Variants in SYTL2 observed in about 807,000 individuals in gnomAD.
The protein encoded by SYTL2 is synaptotagmin-like protein 2.
Under a neutral mutation model 198.7 loss-of-function variants are expected in SYTL2, and 165 were observed. The ratio of observed to expected loss-of-function variants is 0.83; its 90% CI spans 0.73 to 0.94. SYTL2 has a LOEUF of 0.94. Among genes scored for constraint, SYTL2 ranks in the 40% least tolerant of loss-of-function variants. The pLI, the probability that SYTL2 is intolerant of heterozygous loss-of-function variation, is 0.00. For synonymous variants in SYTL2, 966 were observed against 917.7 expected (o/e 1.05, Z -0.95); for missense variants, 2,835 against 2,582.8 (o/e 1.10, Z -2.12).
chr11:85,778,114 C>G (rs191612907), intron 1 of SYTL2, among the ~76,000 whole-genome samples: 3 of 152,126 alleles, frequency 2.0e-5, no homozygotes, highest in Admixed American at 1.3e-4. Flanking sequence ...CCATCATGCC[C>G]GGCCGGTCTT....
rs1196063975 is a variant in SYTL2, at chr11:85,725,834, G to A, written c.3524C>T (p.Thr1175Ile). ...VSENRTWPQKTDFADTEEEVK... is the reference protein window; with the variant it reads ...VSENRTWPQKIDFADTEEEVK... ...TTCTTCCTCAGTATCAGCAAAATCT[G>A]TTTTTTGAGGCCATGTCCTATTTTC... is the stretch of plus-strand genomic sequence containing the variant. The change falls in exon 8 of 20, where the codon ACA (threonine) becomes ATA (isoleucine). Residue 1175 changes from threonine to isoleucine, a missense_variant. Around this residue, in one of 3 missense-constraint regions of SYTL2, gnomAD observed 2,645 missense variants for 2,381.7 expected, o/e 1.11. Coordinates refer to ENST00000359152, the MANE Select transcript of SYTL2 (RefSeq NM_206927.4). 6.2e-7 allele frequency: 1 copy of A among 1,613,798 alleles called. No homozygotes were observed. Among genetic ancestry groups the A allele is most frequent in the African/African-American group, 1.3e-5 (1 of 74,916 alleles).
intron 4 of SYTL2, among the ~76,000 whole-genome samples, chr11:85,744,008 T>C (rs1486156690): frequency 6.6e-6 from 1 of 152,158 alleles, no homozygotes; most frequent in Non-Finnish European, 1.5e-5. Flanking sequence ...TCTCTCTTTG[T>C]GTTTCTTTAA....
At chr11:85,770,813 G>A (rs117277825) in intron 1 of SYTL2, among the ~76,000 whole-genome samples, 1 of 152,156 alleles carries the variant, frequency 6.6e-6, no homozygotes, top group East Asian at 1.9e-4. Flanking sequence ...CCACAAGCAG[G>A]CAACATTTTC....
Position 85,704,963 on chromosome 11 carries a change from T to G in SYTL2, c.6084A>C (p.Thr2028=). The G allele has an allele frequency of 6.2e-7, 1 of 1,613,768 alleles. No homozygotes were observed. Among genetic ancestry groups the G allele is most frequent in the Non-Finnish European group, 8.5e-7 (1 of 1,179,730 alleles). Residue 2028 remains threonine, a synonymous_variant, in exon 16 of 20, where the codon ACA becomes ACC. Coordinates refer to ENST00000359152, the MANE Select transcript of SYTL2 (RefSeq NM_206927.4). ...KLNLSIWHRD[T]FKRNSFLGEV... is the part of the protein sequence containing the mutation. ...CCCCTAGGAAACTATTGCGCTTAAA[T>G]GTATCCCGATGCCAAATGGACAGGT...
At chr11:85,779,191 G>A (rs967536387) in intron 1 of SYTL2, among the ~76,000 whole-genome samples, 1 of 152,032 alleles carries the variant, frequency 6.6e-6, no homozygotes, top group African/African-American at 2.4e-5. Flanking sequence ...GCTAAGTGAT[G>A]ATAAAACCAG....
intron 1 of SYTL2, among the ~76,000 whole-genome samples, chr11:85,787,951 C>A (rs2092664637): frequency 6.6e-6 from 1 of 152,126 alleles, no homozygotes; most frequent in African/African-American, 2.4e-5. Context: ...AGGGTGGTAA[C>A]TTTTCCTCCA....
In SYTL2 at chr11:85,718,832, C is replaced by T; in HGVS notation, c.5440G>A (p.Val1814Ile). The T allele has an allele frequency of 3.1e-6, 5 of 1,613,704 alleles. No homozygotes were observed. The highest frequency in any genetic ancestry group is 4.2e-6 in the Non-Finnish European group (5 of 1,179,740). The change falls in exon 10 of 20, where the codon GTA becomes ATA. Residue 1814 changes from valine (V) to isoleucine (I), a missense_variant. Coordinates refer to ENST00000359152, the MANE Select transcript of SYTL2 (RefSeq NM_206927.4). Reference protein sequence around the residue: ...ISSDSSNQAKVDNQPEELVRS... With the variant: ...ISSDSSNQAKIDNQPEELVRS... ...ACTAATTCTTCTGGCTGATTATCTA[C>T]TTTTGCTTGATCTGTTCAGAAGAAA... is the stretch of plus-strand genomic sequence containing the variant.
chr11:85,783,074 T>C (rs2153605008), intron 1 of SYTL2, among the ~76,000 whole-genome samples: 1 of 152,318 alleles, frequency 6.6e-6, no homozygotes, highest in Middle Eastern at 3.4e-3. Flanking sequence ...ACCAAATCAC[T>C]GTATTAGTCC....
chr11:85,768,853 G>A (rs990672827), intron 1 of SYTL2, among the ~76,000 whole-genome samples: 3 of 152,012 alleles, frequency 2.0e-5, no homozygotes, highest in African/African-American at 7.3e-5. Flanking sequence ...TCCATCTTAG[G>A]CCTGGACCCC....
At chr11:85,813,577 A>G (rs1355662171), upstream of SYTL2, among the ~76,000 whole-genome samples, 1 of 152,212 alleles carries the variant, frequency 6.6e-6, no homozygotes, top group African/African-American at 2.4e-5. Context: ...AGCATGGTGT[A>G]AGGTTAAATG....
upstream of SYTL2, among the ~76,000 whole-genome samples, chr11:85,815,447 T>C (rs749429308): frequency 2.0e-5 from 3 of 152,238 alleles, no homozygotes; most frequent in Non-Finnish European, 4.4e-5. Context: ...TTGTAAATAC[T>C]GAATATTCTT....
intron 7 of SYTL2, among the ~76,000 whole-genome samples, chr11:85,728,666 C>T (rs993845899): frequency 6.6e-6 from 1 of 152,074 alleles, no homozygotes; most frequent in South Asian, 2.1e-4. Flanking sequence ...TATGCCATGC[C>T]GATTTTATGA....
At chr11:85,696,485 G>C (rs2083429069) in intron 18 of SYTL2, 97 bp from the exon 19 acceptor site, 1 of 1,031,450 alleles carries the variant, frequency 9.7e-7, no homozygotes, top group Non-Finnish European at 1.5e-6. Context: ...ATTGACAATG[G>C]AGGAAAAGAT....
intron 1 of SYTL2, among the ~76,000 whole-genome samples, chr11:85,810,593 C>T (rs2093019277): frequency 6.6e-6 from 1 of 152,084 alleles, no homozygotes; most frequent in Non-Finnish European, 1.5e-5. Context: ...TGCACCTGAG[C>T]AATCTGGGGG....
At chr11:85,804,828 T>C (rs935244523) in intron 1 of SYTL2, among the ~76,000 whole-genome samples, 3 of 152,238 alleles carry the variant, frequency 2.0e-5, no homozygotes, top group Non-Finnish European at 4.4e-5. Context: ...AGATCTATCA[T>C]ATTTGCATTT....
At chr11:85,813,955 G>A (rs578100537), upstream of SYTL2, among the ~76,000 whole-genome samples, 5 of 152,218 alleles carry the variant, frequency 3.3e-5, no homozygotes, top group South Asian at 2.1e-4. Flanking sequence ...CGATCTGCCC[G>A]CCTCAGCATC....
chr11:85,734,243 A>G lies in SYTL2; in HGVS notation c.1086T>C (p.Ser362=). 6.2e-7 allele frequency: 1 copy of G among 1,614,204 alleles called. No homozygotes were observed. The highest frequency in any genetic ancestry group is 8.5e-7 in the Non-Finnish European group (1 of 1,180,032). ...REVGEFSVLE[S]DRLKNGMEDA... is the part of the protein sequence containing the mutation. ...CTTCCATTCCATTTTTCAATCTGTC[A>G]GATTCTAAAACACTAAATTCTCCTA... Residue 362 remains serine, a synonymous_variant, in exon 7 of 20, where the codon TCT becomes TCC. Transcript: ENST00000359152.
At chr11:85,720,131 G>C (rs2088069046) in intron 9 of SYTL2, among the ~76,000 whole-genome samples, 1 of 152,088 alleles carries the variant, frequency 6.6e-6, no homozygotes, top group Non-Finnish European at 1.5e-5. Context: ...CTGCCAGTGG[G>C]GAATCGTGTA....
At chr11:85,820,642 A>G in the SYTL2 span, among the ~76,000 whole-genome samples, 1 of 152,228 alleles carries the variant, frequency 6.6e-6, no homozygotes, top group African/African-American at 2.4e-5. Context: ...AACTAGGAAA[A>G]ATAGTTGCAT....
Sources: allele counts gnomAD v4.1 joint callset (sites outside exome capture counted in the v4.1 genomes callset), GRCh38; gene constraint gnomAD v4.1.1; regional missense constraint gnomAD v4.1.1; transcripts MANE v1.5; gene names NCBI Gene and HGNC (gene_info 2026-07-23, HGNC 2026-07-21).